CD38: variants seen among roughly 807,000 people sequenced by gnomAD.
The protein encoded by CD38 is ADP-ribosyl cyclase/cyclic ADP-ribose hydrolase 1.
Under a neutral mutation model 36.3 loss-of-function variants are expected in CD38, and 31 were observed. The observed-to-expected ratio is 0.85, with a 90% confidence interval of 0.64 to 1.15. The LOEUF (loss-of-function observed/expected upper bound fraction) is 1.15. CD38 is among the 50% of genes most tolerant of loss of function. The pLI is 0.00. For missense variants in CD38, 380 were observed against 371.9 expected (o/e 1.02, Z -0.18); for synonymous variants, 131 against 135.2 (o/e 0.97, Z 0.22).
Position 15,834,210 on chromosome 4 carries a change from C to G in CD38, c.500-7C>G, listed in dbSNP as rs755251220. 27 of 1,564,982 alleles carry G rather than the reference C, an allele frequency of 1.7e-5. No homozygotes were observed. The highest frequency in any genetic ancestry group is 2.3e-5 in the Non-Finnish European group (26 of 1,135,402). ...CCACTTTATTTTCTACAAACTATGT[C>G]TTTTAGAAATAAACTATCAATCTTG... is the stretch of plus-strand genomic sequence containing the variant. On this transcript the variant is annotated splice_polypyrimidine_tract_variant and splice_region_variant and intron_variant, in intron 3 of 7. Coordinates refer to ENST00000226279, the MANE Select transcript of CD38 (RefSeq NM_001775.4).
rs1259202584 is a variant in CD38 at position 15,852,871 on chromosome 4, G to C, written c.*4269G>C. ...GTCGCCCAGGCTAGAGTGCAGTGGC[G>C]CGATCTCGGCTCACTGCAGGCTCCA... On this transcript the variant is annotated 3_prime_UTR_variant, in exon 8 of 8. Transcript: ENST00000226279. 2 of 149,798 alleles carry C rather than the reference G, an allele frequency of 1.3e-5. No individual in the cohort carries two copies. Among genetic ancestry groups the C allele is most frequent in the East Asian group, 3.9e-4 (2 of 5,084 alleles). The allele number at this position is 149,798 out of a possible 1,614,324, so 9.3% of individuals were successfully genotyped here.
At chr4:15,836,305 G>A (rs914005997) in intron 4 of CD38, among the ~76,000 whole-genome samples, 2 of 152,118 alleles carry the variant, frequency 1.3e-5, no homozygotes, top group Admixed American at 6.6e-5. Flanking sequence ...AGAGGCAGAG[G>A]GGCTAAAGGA....
intron 4 of CD38, among the ~76,000 whole-genome samples, chr4:15,834,613 G>A (rs949637910): frequency 6.6e-6 from 1 of 152,062 alleles, no homozygotes; most frequent in Non-Finnish European, 1.5e-5. Flanking sequence ...TAGATACCTG[G>A]GACAGTCGTA....
chr4:15,811,619 T>C (rs974746078), intron 1 of CD38, among the ~76,000 whole-genome samples: 1 of 151,836 alleles, frequency 6.6e-6, no homozygotes, highest in Admixed American at 6.6e-5. Flanking sequence ...CTTTATTCCA[T>C]TGATCTATAT....
intron 1 of CD38, among the ~76,000 whole-genome samples, chr4:15,780,246 G>C (rs950063074): frequency 6.6e-6 from 1 of 152,026 alleles, no homozygotes; most frequent in Non-Finnish European, 1.5e-5. Flanking sequence ...CAAAATAGTT[G>C]TGCCATTTTA....
Position 15,823,828 on chromosome 4 carries a change from T to A in CD38, c.364-1053T>A, listed in dbSNP as rs183054646. Among the ~76,000 whole-genome samples, 334 of 152,216 alleles carry A rather than the reference T, an allele frequency of 2.2e-3. 3 individuals carry two copies. Among genetic ancestry groups the A allele is most frequent in the African/African-American group, 7.6e-3 (316 of 41,550 alleles). On this transcript the variant is annotated intron_variant, in intron 2 of 7. Coordinates refer to ENST00000226279, the MANE Select transcript of CD38 (RefSeq NM_001775.4). The stretch of plus-strand genomic sequence containing the variant: ...CCATTACTGGGTATAATAGAAATCA[T>A]TCTATTATAAAGATATGTGCATGCA...
intron 2 of CD38, among the ~76,000 whole-genome samples, chr4:15,821,096 A>C (rs546580254): frequency 6.6e-6 from 1 of 152,216 alleles, no homozygotes; most frequent in Non-Finnish European, 1.5e-5. Flanking sequence ...ACTCCTGGGT[A>C]AATAATAAAA....
chr4:15,815,773 T>C (rs1210307806), intron 1 of CD38, among the ~76,000 whole-genome samples: 1 of 152,172 alleles, frequency 6.6e-6, no homozygotes, highest in Non-Finnish European at 1.5e-5. Context: ...TATGTCTGAT[T>C]GCCCTGGCCA....
chr4:15,841,031 T>C (rs1724194452), intron 7 of CD38, among the ~76,000 whole-genome samples: 1 of 152,146 alleles, frequency 6.6e-6, no homozygotes. Flanking sequence ...AAATCTATAT[T>C]TTTTAAATTA....
At chr4:15,837,969 T>C in intron 4 of CD38, 123 bp from the exon 5 acceptor site, 2 of 736,212 alleles carry the variant, frequency 2.7e-6, no homozygotes, top group South Asian at 3.4e-5. Context: ...CTGACATTCC[T>C]GGGCTAAAAC....
chr4:15,849,561 A>G lies in CD38; in HGVS notation c.*959A>G, dbSNP rs1724342146. 1 of 152,170 alleles carries G rather than the reference A, an allele frequency of 6.6e-6. No individual in the cohort carries two copies. The highest frequency in any genetic ancestry group is 1.5e-5 in the Non-Finnish European group (1 of 68,034). The allele number at this position is 152,170 out of a possible 1,614,324, so 9.4% of individuals were successfully genotyped here. A position where few individuals can be genotyped will look rare whatever the true frequency, so the allele number is the denominator to read the frequency against. ...CTCCTCTTCATGCTCAGTGTTTTAT[A>G]TATGTAGTATACAGTTAAAATATAC... is the stretch of plus-strand genomic sequence containing the variant. On this transcript the variant is annotated 3_prime_UTR_variant, in exon 8 of 8. Transcript: ENST00000226279.
intron 1 of CD38, among the ~76,000 whole-genome samples, chr4:15,806,154 C>T (rs1275576613): frequency 2.6e-5 from 4 of 152,212 alleles, no homozygotes; most frequent in African/African-American, 9.7e-5. Context: ...TGGATTTAAC[C>T]ACCAAATATA....
chr4:15,823,102 C>T (rs555220188), intron 2 of CD38, among the ~76,000 whole-genome samples: 6 of 152,312 alleles, frequency 3.9e-5, no homozygotes, highest in African/African-American at 1.4e-4. Flanking sequence ...CATTTAATAA[C>T]TGGTGCTTGA....
chr4:15,778,695 G>T lies in CD38; in HGVS notation c.233+48G>T. On this transcript the variant is annotated intron_variant, in intron 1 of 7. Coordinates refer to ENST00000226279, the MANE Select transcript of CD38 (RefSeq NM_001775.4). The surrounding 1 kb of genome is among the most constrained non-coding windows in gnomAD (Gnocchi z 4.9). ...CCGGTGGGCACTGCGGGGACAGCAG[G>T]GCCCCGCGCGCAGGGAAGCCGCCCG... 5.2e-6 allele frequency: 7 copies of T among 1,342,158 alleles called. No homozygotes were observed. Among genetic ancestry groups the T allele is most frequent in the Non-Finnish European group, 6.3e-6 (6 of 948,920 alleles). 83.1% of individuals were successfully genotyped at this position (1,342,158 alleles called of 1,614,324 possible). A position where few individuals can be genotyped will look rare whatever the true frequency, so the allele number is the denominator to read the frequency against.
At chr4:15,845,861 G>C (rs1420576425) in intron 7 of CD38, among the ~76,000 whole-genome samples, 1 of 87,776 alleles carries the variant, frequency 1.1e-5, no homozygotes, top group African/African-American at 7.6e-5. Flanking sequence ...TACAAGGGAT[G>C]TGAAGGACCT....
chr4:15,828,674 A>C (rs1482233353), intron 3 of CD38, among the ~76,000 whole-genome samples: 6 of 152,186 alleles, frequency 3.9e-5, no homozygotes, highest in Admixed American at 3.9e-4. Flanking sequence ...TAAAGTCTGA[A>C]TAGTATTCCA....
intron 2 of CD38, among the ~76,000 whole-genome samples, chr4:15,823,477 GA>G (rs1343390833): frequency 1.3e-5 from 2 of 151,888 alleles, no homozygotes; most frequent in African/African-American, 2.4e-5. Context: ...AAATTTACAA[GA>G]AAAAAATAAA....
intron 1 of CD38, among the ~76,000 whole-genome samples, chr4:15,813,841 T>C (rs1487950218): frequency 2.0e-5 from 3 of 152,362 alleles, no homozygotes; most frequent in African/African-American, 7.2e-5. Context: ...CTTTATTCAG[T>C]CCATCATTTA....
intron 1 of CD38, among the ~76,000 whole-genome samples, chr4:15,798,199 T>C (rs970904939): frequency 7.9e-5 from 12 of 152,148 alleles, no homozygotes; most frequent in African/African-American, 2.9e-4. Context: ...CCTGGCCACT[T>C]TAAAATGTTG....
Sources: gnomAD v4.1 joint callset for allele counts (sites outside exome capture counted in the v4.1 genomes callset) on GRCh38, gnomAD v4.1.1 for gene constraint, Gnocchi (gnomAD v3.1) non-coding constraint, MANE v1.5 for transcripts, NCBI Gene and HGNC (gene_info 2026-07-23, HGNC 2026-07-21) for gene names.